PKHD1: variants seen among roughly 807,000 people sequenced by gnomAD.
The protein encoded by PKHD1 is PKHD1 ciliary IPT domain containing fibrocystin/polyductin.
A neutral mutation model predicts 412.0 loss-of-function variants in PKHD1; 291 were observed. The observed-to-expected ratio is 0.71, with a 90% CI of 0.64 to 0.78. PKHD1 has a LOEUF of 0.78. Among genes scored for constraint, PKHD1 ranks in the 30% least tolerant of loss-of-function variants. PKHD1 has a pLI of 0.00. For synonymous variants in PKHD1, 1,777 were observed against 1,821.5 expected, an observed-to-expected ratio of 0.98 and a Z score of 0.62; for missense variants, 4,825 against 4,950.7, an observed-to-expected ratio of 0.97 and a Z score of 0.76.
At chr6:51,683,622 G>A (rs539073270) in intron 60 of PKHD1, among the ~76,000 whole-genome samples, 1 of 152,146 alleles carries the variant, frequency 6.6e-6, no homozygotes, top group African/African-American at 2.4e-5. Flanking sequence ...GTATGGCATA[G>A]ACTCAGGAAA....
chr6:52,058,786 T>TATCTATCTATCC (rs1305228214), intron 15 of PKHD1, among the ~76,000 whole-genome samples, 185 bp from the exon 16 acceptor site: 1 of 151,876 alleles, frequency 6.6e-6, no homozygotes, highest in African/African-American at 2.4e-5. Flanking sequence ...TCTATCTATC[T>TATCTATCTATCC]ATCTATCTAT....
At chr6:51,725,186 C>T (rs934724958) in intron 60 of PKHD1, among the ~76,000 whole-genome samples, 1 of 152,194 alleles carries the variant, frequency 6.6e-6, no homozygotes, top group African/African-American at 2.4e-5. Context: ...TCGCCCCAGG[C>T]TGGTGAAGGT....
chr6:52,077,108 G>C (rs778914218), intron 5 of PKHD1, among the ~76,000 whole-genome samples: 6 of 152,164 alleles, frequency 3.9e-5, no homozygotes, highest in Non-Finnish European at 8.8e-5. Flanking sequence ...AGTCGCTGCT[G>C]TGTCTCTGTG....
In PKHD1 at chr6:52,032,767, C is replaced by T. The variant is rs2435331; in HGVS notation, c.3364+263G>A. Among the ~76,000 whole-genome samples, 69,329 of 151,940 alleles carry T rather than the reference C, an allele frequency of 0.46. 17,521 individuals are homozygous for T. Among genetic ancestry groups the T allele is most frequent in the Admixed American group, 0.58 (8,913 of 15,274 alleles). ...TGACACTTACTAAATGCTCAAGGAA[C>T]ATATTTTGAATTGTAACTTTTGAAT... On this transcript the variant is annotated intron_variant, in intron 29 of 66. Coordinates refer to ENST00000371117, the MANE Select transcript of PKHD1 (RefSeq NM_138694.4).
chr6:52,076,176 A>G, intron 6 of PKHD1, 100 bp downstream of exon 6: 1 of 791,510 alleles, frequency 1.3e-6, no homozygotes, highest in South Asian at 1.4e-5. Context: ...TCAAAGAAGA[A>G]GTTAAATTTT....
At chr6:51,670,967 G>A (rs1191132740) in intron 60 of PKHD1, among the ~76,000 whole-genome samples, 7 of 151,782 alleles carry the variant, frequency 4.6e-5, no homozygotes, top group African/African-American at 7.3e-5. Context: ...CTTTCTCTCT[G>A]GCTGCCCTTA....
chr6:51,617,514 C>T lies in PKHD1; in HGVS notation c.*1567G>A, dbSNP rs1043105362. ...ATAAACCAACTTCTTGCAAATCATT[C>T]CCTGAACACAGATAGCCTGGATTGA... On this transcript the variant is annotated 3_prime_UTR_variant, in exon 67 of 67. Coordinates refer to ENST00000371117, the MANE Select transcript of PKHD1 (RefSeq NM_138694.4). 1 of 152,138 alleles carries T rather than the reference C, an allele frequency of 6.6e-6. No homozygotes were observed. The highest frequency in any genetic ancestry group is 1.5e-5 in the Non-Finnish European group (1 of 68,038). 9.4% of individuals were successfully genotyped at this position (152,138 alleles called of 1,614,324 possible). A position where few individuals can be genotyped will look rare whatever the true frequency, so the allele number is the denominator to read the frequency against.
intron 7 of PKHD1, among the ~76,000 whole-genome samples, 195 bp downstream of exon 7, chr6:52,073,268 C>T (rs978627933): frequency 1.3e-5 from 2 of 152,096 alleles, no homozygotes; most frequent in Non-Finnish European, 2.9e-5. Flanking sequence ...ATAAATGGAC[C>T]AACTTAATTG....
At chr6:51,897,523 T>C (rs1324354551) in intron 43 of PKHD1, among the ~76,000 whole-genome samples, 3 of 146,152 alleles carry the variant, frequency 2.1e-5, no homozygotes, top group African/African-American at 7.8e-5. Context: ...GCACTAAACA[T>C]GGAATGGAAC....
At chr6:52,083,852 C>T (rs1240900729) in intron 2 of PKHD1, among the ~76,000 whole-genome samples, 1 of 151,994 alleles carries the variant, frequency 6.6e-6, no homozygotes, top group East Asian at 1.9e-4. Flanking sequence ...GCTTAATATA[C>T]TAGTTTTCCC....
chr6:51,667,646 C>G (rs1437689646), intron 60 of PKHD1, among the ~76,000 whole-genome samples: 4 of 151,194 alleles, frequency 2.6e-5, no homozygotes, highest in African/African-American at 9.7e-5. Context: ...ATGGTAATGC[C>G]TAGGTTTTCT....
chr6:52,052,105 G>C (rs946667169), intron 21 of PKHD1, among the ~76,000 whole-genome samples: 1 of 152,276 alleles, frequency 6.6e-6, no homozygotes, highest in Non-Finnish European at 1.5e-5. Context: ...AGACTGAAAA[G>C]TTGTACATTT....
intron 49 of PKHD1, 146 bp from the exon 50 acceptor site, chr6:51,848,116 C>G: frequency 1.5e-6 from 1 of 667,722 alleles, no homozygotes; most frequent in Non-Finnish European, 2.7e-6. Flanking sequence ...CCAGATTGTA[C>G]TTTTCTTGTG....
At position 51,906,338 on chromosome 6, in the gene PKHD1, A is replaced by G; in HGVS notation, c.6685T>C (p.Ser2229Pro). The G allele has an allele frequency of 6.2e-7, 1 of 1,611,014 alleles. No individual in the cohort carries two copies. The highest frequency in any genetic ancestry group is 8.5e-7 in the Non-Finnish European group (1 of 1,177,494). Residue 2229 changes from serine (S) to proline (P), a missense_variant and splice_region_variant, in exon 41 of 67, where the codon TCT becomes CCT. By Grantham distance (74) the Ser-to-Pro change is moderately conservative. Transcript: ENST00000371117. ...SLTLVGAMRESFIQGCTVRNS... is the reference protein window; with the variant it reads ...SLTLVGAMREPFIQGCTVRNS... ...CTCACTGTGCAGCCCTGTATGAAAG[A>G]CTCTGAATAGGAAAGAGTAAAGTAA... is the stretch of plus-strand genomic sequence containing the variant.
chr6:51,873,407 C>T (rs551794267), intron 46 of PKHD1, among the ~76,000 whole-genome samples: 9 of 152,168 alleles, frequency 5.9e-5, no homozygotes, highest in African/African-American at 1.9e-4. Flanking sequence ...CAAGAAGAGG[C>T]TTTAGAGGAG....
At chr6:52,033,193 C>G (rs1194461374) in intron 28 of PKHD1, 28 bp from the exon 29 acceptor site, 1 of 1,586,796 alleles carries the variant, frequency 6.3e-7, no homozygotes, top group Non-Finnish European at 8.6e-7. Flanking sequence ...AAAATTAAAC[C>G]TCAGTTTTAT....
At chr6:51,976,904 C>A (rs1341368879) in intron 35 of PKHD1, among the ~76,000 whole-genome samples, 1 of 142,086 alleles carries the variant, frequency 7.0e-6, no homozygotes, top group Admixed American at 7.2e-5. Context: ...GCCGAGATTG[C>A]ACCACTGCAC....
chr6:51,887,092 C>A, intron 44 of PKHD1, 41 bp downstream of exon 44: 1 of 1,263,044 alleles, frequency 7.9e-7, no homozygotes, highest in South Asian at 1.2e-5. Flanking sequence ...AATGTGAAAT[C>A]ATAAGACAGC....
intron 55 of PKHD1, among the ~76,000 whole-genome samples, chr6:51,767,937 T>G (rs1424745644): frequency 3.3e-5 from 5 of 152,202 alleles, no homozygotes. Context: ...CCACCAACAG[T>G]GTAAAAGTGT....
Sources: gnomAD v4.1 joint callset for allele counts (sites outside exome capture counted in the v4.1 genomes callset) on GRCh38, gnomAD v4.1.1 for gene constraint, MANE v1.5 for transcripts, NCBI Gene and HGNC (gene_info 2026-07-23, HGNC 2026-07-21) for gene names.